The following HOXD3 variants were observed in gnomAD, a reference collection of about 807,000 sequenced individuals.
HOXD3 encodes the protein homeobox D3, also known as homeobox protein Hox-D3.
HOXD3 carries 13 observed loss-of-function variants against 32.8 expected under a neutral mutation model. That is an observed-to-expected ratio of 0.40 (90% CI 0.26 to 0.63). HOXD3 has a LOEUF of 0.63. Ranked by LOEUF, HOXD3 falls within the 20% of genes least tolerant of loss-of-function variation. The probability of loss-of-function intolerance (pLI) is 0.44; values close to 1 mark genes in which losing one functional copy is unlikely to be tolerated. For missense variants in HOXD3, 504 were observed against 577.1 expected (o/e 0.87, Z 1.30); for synonymous variants, 241 against 246.8 (o/e 0.98, Z 0.22).
intron 1 of HOXD3, among the ~76,000 whole-genome samples, chr2:176,157,946 C>T (rs2105429753): frequency 1.3e-5 from 2 of 152,346 alleles, no homozygotes; most frequent in East Asian, 3.9e-4. Context: ...TGAGAAAAGG[C>T]CCTGGCCCTC....
intron 1 of HOXD3, among the ~76,000 whole-genome samples, chr2:176,157,659 T>C (rs1054893372): frequency 1.3e-5 from 2 of 152,214 alleles, no homozygotes; most frequent in African/African-American, 4.8e-5. Context: ...TGTGTGTGTG[T>C]GCGTGCGTCC....
Position 176,172,110 on chromosome 2 carries a change from C to A in HOXD3, c.1135C>A (p.Leu379Ile). The change falls in exon 4 of 4, where the codon CTC becomes ATC. Residue 379 changes from leucine to isoleucine, a missense_variant. Coordinates refer to ENST00000683222, the MANE Select transcript of HOXD3 (RefSeq NM_006898.5). ...ASGPVFNLGH[L>I]SHPSSASVDY... ...CGGGCCTGTCTTCAACCTGGGCCAC[C>A]TCTCGCACCCGTCGTCGGCCAGCGT... 6.2e-7 allele frequency: 1 copy of A among 1,612,856 alleles called. No individual in the cohort carries two copies. The highest frequency in any genetic ancestry group is 8.5e-7 in the Non-Finnish European group (1 of 1,179,962).
chr2:176,158,820 C>A (rs1690709061), intron 1 of HOXD3, among the ~76,000 whole-genome samples: 2 of 147,374 alleles, frequency 1.4e-5, no homozygotes, highest in Admixed American at 1.4e-4. Context: ...CCCTCCCACC[C>A]CCCCCACTCC....
intron 1 of HOXD3, among the ~76,000 whole-genome samples, chr2:176,159,214 T>A (rs1690722253): frequency 6.9e-6 from 1 of 145,240 alleles, no homozygotes; most frequent in South Asian, 2.2e-4. Flanking sequence ...GGCAAGAGGC[T>A]AGGGGGCGGG....
At chr2:176,166,010 A>G (rs1204744551) in intron 2 of HOXD3, among the ~76,000 whole-genome samples, 1 of 152,130 alleles carries the variant, frequency 6.6e-6, no homozygotes, top group Admixed American at 6.5e-5. Flanking sequence ...TTTAAGAGGG[A>G]TCACTTTTGG....
At chr2:176,161,024 C>T (rs762609199) in intron 1 of HOXD3, 11 of 152,260 alleles carry the variant, frequency 7.2e-5, no homozygotes, top group Non-Finnish European at 1.3e-4. Flanking sequence ...GCTCTGCCCC[C>T]CACTGGCGCC....
chr2:176,155,756 G>C (rs554810150), upstream of HOXD3, among the ~76,000 whole-genome samples: 1 of 152,322 alleles, frequency 6.6e-6, no homozygotes, highest in Non-Finnish European at 1.5e-5. Context: ...CTTTAAATAT[G>C]AGCCAGAAGT....
chr2:176,163,021 G>C (rs888452754), intron 1 of HOXD3, among the ~76,000 whole-genome samples: 4 of 152,154 alleles, frequency 2.6e-5, no homozygotes, highest in Non-Finnish European at 4.4e-5. Flanking sequence ...AGAGCGCTTG[G>C]GGGAGGGGGG....
At chr2:176,154,470 G>C (rs563285420), upstream of HOXD3, among the ~76,000 whole-genome samples, 1 of 152,192 alleles carries the variant, frequency 6.6e-6, no homozygotes, top group Non-Finnish European at 1.5e-5. Flanking sequence ...AGTGACCAAA[G>C]TGGGAAAGGG....
chr2:176,168,215 A>G (rs568650160), intron 2 of HOXD3, among the ~76,000 whole-genome samples: 1 of 146,680 alleles, frequency 6.8e-6, no homozygotes, highest in Non-Finnish European at 1.5e-5. Flanking sequence ...ACAAGAGCCC[A>G]GGAACTCAAG....
In HOXD3 at chr2:176,171,549, C is replaced by T; in HGVS notation, c.574C>T (p.Pro192Ser). The change falls in exon 4 of 4, where the codon CCA (proline) becomes TCA (serine). Residue 192 changes from proline (P) to serine (S), a missense_variant. Physicochemically the swap from Pro to Ser is moderately conservative, Grantham distance 74. Transcript: ENST00000683222. Reference protein sequence around the residue: ...ESCEDKSPPGPASKRVRTAYT... With the variant: ...ESCEDKSPPGSASKRVRTAYT... The stretch of plus-strand genomic sequence containing the variant: ...CTGCGAGGACAAGAGCCCGCCAGGC[C>T]CAGCATCCAAGCGGGTACGCACGGC... 1 of 1,602,024 alleles carries T rather than the reference C, an allele frequency of 6.2e-7. No homozygotes were observed. The highest frequency in any genetic ancestry group is 8.5e-7 in the Non-Finnish European group (1 of 1,173,040).
chr2:176,155,241 C>T (rs1690620424), upstream of HOXD3, among the ~76,000 whole-genome samples: 1 of 152,188 alleles, frequency 6.6e-6, no homozygotes, highest in African/African-American at 2.4e-5. Flanking sequence ...ATTTTCACAA[C>T]ATCCAATTAC....
chr2:176,168,261 CAAAAAA>C (rs34436368), intron 2 of HOXD3, among the ~76,000 whole-genome samples: 2 of 103,394 alleles, frequency 1.9e-5, no homozygotes, highest in African/African-American at 3.8e-5. Context: ...CCTGTCTCTA[CAAAAAA>C]AAAAAAAAAA....
In HOXD3 at chr2:176,172,052, C is replaced by T. The variant is rs900650893; in HGVS notation, c.1077C>T (p.Gly359=). ...TGCAGGGCAGCCCGGTGTACGTGGG[C>T]GGCAACTTCGTCGAGTCCATGGCGC... ...ANLQGSPVYV[G]GNFVESMAPA... is the part of the protein sequence containing the mutation. Residue 359 remains glycine (G), a synonymous_variant, in exon 4 of 4, where the codon GGC becomes GGT. Transcript: ENST00000683222. The T allele has an allele frequency of 7.5e-6, 12 of 1,608,282 alleles. No homozygotes were observed. Among genetic ancestry groups the T allele is most frequent in the Non-Finnish European group, 1.0e-5 (12 of 1,178,740 alleles).
rs775027801 is a variant in HOXD3, at chr2:176,169,591, G to C, written c.477G>C (p.Gln159His). Residue 159 changes from glutamine to histidine, a missense_variant, in exon 3 of 4, where the codon CAG (glutamine) becomes CAC (histidine). Gln to His is a conservative substitution (Grantham distance 24). Around this residue, in one of 3 missense-constraint regions of HOXD3, gnomAD observed 97 missense variants for 158.0 expected, o/e 0.61. Transcript: ENST00000683222. ...GCTCCTCAGCCACCATCAGCAAGCA[G>C]ATCTTCCCCTGGATGAAAGAGTCTC... The part of the protein sequence containing the change: ...ASSSSATISK[Q>H]IFPWMKESRQ... 6.2e-7 allele frequency: 1 copy of C among 1,613,640 alleles called. No individual in the cohort carries two copies. The highest frequency in any genetic ancestry group is 8.5e-7 in the Non-Finnish European group (1 of 1,179,856).
rs745970578 is a variant in HOXD3, at chr2:176,169,248, C to T, written c.134C>T (p.Thr45Ile). 1.9e-6 allele frequency: 3 copies of T among 1,613,388 alleles called. No individual in the cohort carries two copies. The highest frequency in any genetic ancestry group is 1.3e-5 in the African/African-American group (1 of 74,888). ...SKTTDTYGYSTPHQPYPPPAA... is the reference protein window; with the variant it reads ...SKTTDTYGYSIPHQPYPPPAA... ...ACTACGGACACTTACGGCTACAGCA[C>T]CCCCCACCAGCCCTACCCACCCCCT... The change falls in exon 3 of 4, where the codon ACC (threonine) becomes ATC (isoleucine). Residue 45 changes from threonine (T) to isoleucine (I), a missense_variant. Around this residue, in one of 3 missense-constraint regions of HOXD3, gnomAD observed 181 missense variants for 172.2 expected, o/e 1.05. Coordinates refer to ENST00000683222, the MANE Select transcript of HOXD3 (RefSeq NM_006898.5).
chr2:176,156,898 T>G (rs1381083146), upstream of HOXD3, among the ~76,000 whole-genome samples: 4 of 152,160 alleles, frequency 2.6e-5, no homozygotes, highest in Non-Finnish European at 5.9e-5. Flanking sequence ...TATTTATAAG[T>G]GCGCAGGCAG....
At chr2:176,152,974 G>A (rs1690575010), upstream of HOXD3, 2 of 1,600,162 alleles carry the variant, frequency 1.2e-6, no homozygotes, top group Non-Finnish European at 1.7e-6. The surrounding 1 kb of genome is among the most constrained non-coding windows in gnomAD (Gnocchi z 5.2). Flanking sequence ...CTCTCCCTGC[G>A]CACCAGGCTG....
At chr2:176,154,920 C>T (rs1012176626), upstream of HOXD3, among the ~76,000 whole-genome samples, 2 of 152,220 alleles carry the variant, frequency 1.3e-5, no homozygotes, top group African/African-American at 2.4e-5. Context: ...GACGCCCTCA[C>T]GTTGAGAAGC....
Sources: allele counts gnomAD v4.1 joint callset (sites outside exome capture counted in the v4.1 genomes callset), GRCh38; gene constraint gnomAD v4.1.1; regional missense constraint gnomAD v4.1.1; non-coding constraint Gnocchi (gnomAD v3.1); transcripts MANE v1.5; gene names NCBI Gene and HGNC (gene_info 2026-07-23, HGNC 2026-07-21).